Variants in ESAM observed in about 807,000 individuals in gnomAD.
ESAM encodes endothelial cell-selective adhesion molecule.
Under a neutral mutation model 31.8 loss-of-function variants are expected in ESAM, and 23 were observed. The observed-to-expected ratio is 0.72, with a 90% confidence interval of 0.52 to 1.03. The LOEUF (loss-of-function observed/expected upper bound fraction) is 1.03. ESAM is among the 50% of genes least tolerant of loss of function. The probability of loss-of-function intolerance (pLI) is 0.00; values close to 1 mark genes in which losing one functional copy is unlikely to be tolerated. For missense variants in ESAM, 478 were observed against 488.9 expected, an observed-to-expected ratio of 0.98 and a Z score of 0.21; for synonymous variants, 216 against 207.2, an observed-to-expected ratio of 1.04 and a Z score of -0.37.
rs756255110 is a variant in ESAM, at chr11:124,753,645, A to G, written c.*1T>C. 1.2e-6 allele frequency: 2 copies of G among 1,613,522 alleles called. No homozygotes were observed. The highest frequency in any genetic ancestry group is 1.3e-5 in the African/African-American group (1 of 75,058). Reference sequence around the variant, plus strand: ...CCTTTAGCCAATGAGTGGTGGGGTCATCATACCAGAGAGCCAGCTTGACTC... The same window carrying G: ...CCTTTAGCCAATGAGTGGTGGGGTCGTCATACCAGAGAGCCAGCTTGACTC... On this transcript the variant is annotated 3_prime_UTR_variant, in exon 7 of 7. Coordinates refer to ENST00000278927, the MANE Select transcript of ESAM (RefSeq NM_138961.3).
In ESAM at chr11:124,756,249, G is replaced by T. The variant is rs375327056; in HGVS notation, c.565C>A (p.Arg189=). 2.5e-6 allele frequency: 4 copies of T among 1,614,130 alleles called. No homozygotes were observed. In the African/African-American group the frequency reaches 4.0e-5, roughly 16 times the overall value. ...SKPAVQYQWD[R]QLPSFQTFFA... Reference sequence around the variant, plus strand: ...AAAGTCTGGAAGGATGGAAGCTGCCGATCCCACTGGTATTGGACAGCGGGC... The same window carrying T: ...AAAGTCTGGAAGGATGGAAGCTGCCTATCCCACTGGTATTGGACAGCGGGC... The change falls in exon 4 of 7, where the codon CGG becomes AGG. Residue 189 remains arginine (R), a synonymous_variant. Transcript: ENST00000278927.
Position 124,753,656 on chromosome 11 carries a change from G to A in ESAM, c.1163C>T (p.Ser388Phe), listed in dbSNP as rs749470691. Residue 388 changes from serine (S) to phenylalanine (F), a missense_variant, in exon 7 of 7, where the codon TCT becomes TTT. By Grantham distance (155) the Ser-to-Phe change is radical (BLOSUM62 -2). Transcript: ENST00000278927. ...TGAGTGGTGGGGTCATCATACCAGA[G>A]AGCCAGCTTGACTCTGGGCAGGCAC... ...VMVPAQSQAG[S>F]LV 14 of 1,613,658 alleles carry A rather than the reference G, an allele frequency of 8.7e-6. No individual in the cohort carries two copies. The Admixed American group carries it at 2.0e-4, about 23-fold the overall frequency.
rs879333957 is a variant in ESAM, at chr11:124,753,470, T to C, written c.*176A>G. On this transcript the variant is annotated 3_prime_UTR_variant, in exon 7 of 7. Coordinates refer to ENST00000278927, the MANE Select transcript of ESAM (RefSeq NM_138961.3). Reference sequence around the variant, plus strand: ...CCAGATCCACTTCCTCTTCTCCTTCTGTCTCCTGGACACTTAGGTCTTACT... The same window carrying C: ...CCAGATCCACTTCCTCTTCTCCTTCCGTCTCCTGGACACTTAGGTCTTACT... 8.9e-6 allele frequency: 6 copies of C among 670,538 alleles called. No homozygotes were observed. Among genetic ancestry groups the C allele is most frequent in the Non-Finnish European group, 1.2e-5 (5 of 411,098 alleles). The allele number at this position is 670,538 out of a possible 1,614,324, so 41.5% of individuals were successfully genotyped here. A position where few individuals can be genotyped will look rare whatever the true frequency, so the allele number is the denominator to read the frequency against.
At position 124,756,751 on chromosome 11, in the gene ESAM, G is replaced by A; in HGVS notation, c.250-9C>T. On this transcript the variant is annotated splice_polypyrimidine_tract_variant and intron_variant, in intron 2 of 6. Coordinates refer to ENST00000278927, the MANE Select transcript of ESAM (RefSeq NM_138961.3). ...TTGATGTAGGACAACACCTGGTGTG[G>A]GGCATAACACATCCCCGTCATTACT... is the stretch of plus-strand genomic sequence containing the variant. 1 of 1,613,868 alleles carries A rather than the reference G, an allele frequency of 6.2e-7. No individual in the cohort carries two copies. The highest frequency in any genetic ancestry group is 8.5e-7 in the Non-Finnish European group (1 of 1,179,936).
At chr11:124,757,042 C>G in intron 2 of ESAM, 1 of 366,860 alleles carries the variant, frequency 2.7e-6, no homozygotes, top group Non-Finnish European at 5.0e-6. Context: ...TGTATATATG[C>G]AACTCAGACT....
chr11:124,757,733 C>T (rs756653247), intron 2 of ESAM, among the ~76,000 whole-genome samples: 124 of 148,148 alleles, frequency 8.4e-4, no homozygotes, highest in Admixed American at 1.5e-3. Flanking sequence ...AGTCTTACTC[C>T]GTCGCCCAGG....
Position 124,759,079 on chromosome 11 carries a change from A to C in ESAM, c.71-552T>G, listed in dbSNP as rs1238862811. ...GGAGCTGGAGAGAGCAGAGCAGCCC[A>C]GCGCCCAAGCCTGACCCAGTGAATG... is the stretch of plus-strand genomic sequence containing the variant. On this transcript the variant is annotated intron_variant, in intron 1 of 6. Transcript: ENST00000278927. This position sits in a 1 kb window ranked among gnomAD's most constrained non-coding sequence, Gnocchi z 6.8. The C allele has an allele frequency of 6.5e-6, 1 of 152,680 alleles. No homozygotes were observed. Among genetic ancestry groups the C allele is most frequent in the Non-Finnish European group, 1.5e-5 (1 of 68,408 alleles). 9.5% of individuals were successfully genotyped at this position (152,680 alleles called of 1,614,324 possible).
chr11:124,758,479 A>G lies in ESAM; in HGVS notation c.119T>C (p.Leu40Ser), dbSNP rs762567106. Reference sequence around the variant, plus strand: ...CACTTCCCCTCCCTCCACCGCCTGCAACCGGTTGGCGGGCAAGTGCAGTTG... The same window carrying G: ...CACTTCCCCTCCCTCCACCGCCTGCGACCGGTTGGCGGGCAAGTGCAGTTG... Reference protein sequence around the residue: ...QLQLHLPANRLQAVEGGEVVL... With the variant: ...QLQLHLPANRSQAVEGGEVVL... The change falls in exon 2 of 7, where the codon TTG (leucine) becomes TCG (serine). Residue 40 changes from leucine (L) to serine (S), a missense_variant. Leu to Ser is a moderately radical substitution (Grantham distance 145). Coordinates refer to ENST00000278927, the MANE Select transcript of ESAM (RefSeq NM_138961.3). The G allele has an allele frequency of 3.7e-6, 6 of 1,609,940 alleles. No homozygotes were observed. Among genetic ancestry groups the G allele is most frequent in the Non-Finnish European group, 2.5e-6 (3 of 1,178,146 alleles).
intron 1 of ESAM, among the ~76,000 whole-genome samples, chr11:124,760,068 A>C (rs1717096727): frequency 6.6e-6 from 1 of 152,204 alleles, no homozygotes; most frequent in South Asian, 2.1e-4. Context: ...CGACCTCCCC[A>C]GGTCCCACAT....
chr11:124,756,138 T>C, intron 4 of ESAM, 69 bp downstream of exon 4: 1 of 1,598,646 alleles, frequency 6.3e-7, no homozygotes, highest in South Asian at 1.1e-5. Context: ...TTCACCCCAG[T>C]CCCTGTGGTA....
intron 3 of ESAM, 64 bp downstream of exon 3, chr11:124,756,475 GGA>G (rs1446960357): frequency 1.3e-6 from 2 of 1,596,552 alleles, no homozygotes; most frequent in Non-Finnish European, 1.7e-6. Context: ...TTGTCATTTA[GGA>G]GAGAGACTCA....
chr11:124,756,558 A>G lies in ESAM; in HGVS notation c.434T>C (p.Leu145Ser), dbSNP rs780679478. 21 of 1,613,896 alleles carry G rather than the reference A, an allele frequency of 1.3e-5. No homozygotes were observed. Among genetic ancestry groups the G allele is most frequent in the Non-Finnish European group, 1.7e-5 (20 of 1,180,024 alleles). ...TCACTCACCCAGTACATTGAGTTCT[A>G]AGGTTTTGATGCTGTGGCCCCTAGA... ...GKSRGHSIKTLELNVLVPPAP... is the reference protein window; with the variant it reads ...GKSRGHSIKTSELNVLVPPAP... The change falls in exon 3 of 7, where the codon TTA becomes TCA. Residue 145 changes from leucine (L) to serine (S), a missense_variant. Leu to Ser is a moderately radical substitution (Grantham distance 145, BLOSUM62 -2). Transcript: ENST00000278927.
Position 124,754,120 on chromosome 11 carries a change from A to T in ESAM, c.857+94T>A, listed in dbSNP as rs568926704. 9 of 1,563,236 alleles carry T rather than the reference A, an allele frequency of 5.8e-6. No homozygotes were observed. In the East Asian group the frequency reaches 2.0e-4, roughly 35 times the overall value. On this transcript the variant is annotated intron_variant, in intron 6 of 6. Coordinates refer to ENST00000278927, the MANE Select transcript of ESAM (RefSeq NM_138961.3). The surrounding 1 kb of genome is among the most constrained non-coding windows in gnomAD (Gnocchi z 4.5). Reference sequence around the variant, plus strand: ...CATAGGAATGATGTTTCAGCCACTGACCCCATCCCAATAGATGAGAGCTGC... The same window carrying T: ...CATAGGAATGATGTTTCAGCCACTGTCCCCATCCCAATAGATGAGAGCTGC...
chr11:124,760,515 C>T lies in ESAM; in HGVS notation c.70+1570G>A, dbSNP rs146118262. Among the ~76,000 whole-genome samples, 704 of 152,360 alleles carry T rather than the reference C, an allele frequency of 4.6e-3. 4 individuals are homozygous for T. The highest frequency in any genetic ancestry group is 0.016 in the African/African-American group (671 of 41,596). ...CGCCCCAGGGGCAGCAGCACTGAGCCGCCGAGGAGCCTACTGAGCCGGAGA... is the reference window on the plus strand; with the variant it reads ...CGCCCCAGGGGCAGCAGCACTGAGCTGCCGAGGAGCCTACTGAGCCGGAGA... On this transcript the variant is annotated intron_variant, in intron 1 of 6. Transcript: ENST00000278927.
At chr11:124,760,671 G>A (rs1486946613) in intron 1 of ESAM, among the ~76,000 whole-genome samples, 1 of 152,254 alleles carries the variant, frequency 6.6e-6, no homozygotes, top group East Asian at 1.9e-4. Flanking sequence ...GAACTTTTGA[G>A]TCCAGGTCTT....
chr11:124,760,818 C>G (rs1374825082), intron 1 of ESAM, among the ~76,000 whole-genome samples: 2 of 152,218 alleles, frequency 1.3e-5, no homozygotes, highest in African/African-American at 2.4e-5. Context: ...CCCCACCCCC[C>G]ACAAGGAAGG....
At chr11:124,756,840 GC>G in intron 2 of ESAM, 98 bp from the exon 3 acceptor site, 1 of 1,288,074 alleles carries the variant, frequency 7.8e-7, no homozygotes, top group African/African-American at 1.5e-5. Context: ...TTCTCCAAAT[GC>G]CCCTCACATG....
rs755378986 is a variant in ESAM at position 124,756,715 on chromosome 11, T to C, written c.277A>G (p.Thr93Ala). 36 of 1,614,034 alleles carry C rather than the reference T, an allele frequency of 2.2e-5. No homozygotes were observed. The highest frequency in any genetic ancestry group is 2.7e-5 in the African/African-American group (2 of 74,916). The change falls in exon 3 of 7, where the codon ACA (threonine) becomes GCA (alanine). Residue 93 changes from threonine (T) to alanine (A), a missense_variant. Transcript: ENST00000278927. ...ACCAAGGATACTCCAGGTTTGCTTG[T>C]TGTGACCCCATTGATGTAGGACAAC... ...QVLSYINGVTTSKPGVSLVYS... is the reference protein window; with the variant it reads ...QVLSYINGVTASKPGVSLVYS...
chr11:124,756,465 T>A, intron 3 of ESAM, 76 bp downstream of exon 3: 1 of 1,589,590 alleles, frequency 6.3e-7, no homozygotes, highest in Non-Finnish European at 8.6e-7. Context: ...CCTCCAACTT[T>A]TGTCATTTAG....
Sources: gnomAD v4.1 joint callset for allele counts (sites outside exome capture counted in the v4.1 genomes callset) on GRCh38, gnomAD v4.1.1 for gene constraint, Gnocchi (gnomAD v3.1) non-coding constraint, MANE v1.5 for transcripts, NCBI Gene and HGNC (gene_info 2026-07-23, HGNC 2026-07-21) for gene names.